CTNND2: variants seen among roughly 807,000 people sequenced by gnomAD.
The protein encoded by CTNND2 is catenin delta-2.
CTNND2 carries 22 observed loss-of-function variants against 144.4 expected under a neutral mutation model. The ratio of observed to expected loss-of-function variants is 0.15; its 90% confidence interval spans 0.11 to 0.22. The LOEUF (loss-of-function observed/expected upper bound fraction) is 0.22. Among genes scored for constraint, CTNND2 ranks in the 10% least tolerant of loss-of-function variants. The pLI is 1.00. For missense variants in CTNND2, 1,353 were observed against 1,618.8 expected (o/e 0.84, Z 2.82); for synonymous variants, 751 against 695.6 (o/e 1.08, Z -1.25).
chr5:11,702,698 T>C (rs1206114092), intron 2 of CTNND2, among the ~76,000 whole-genome samples: 1 of 152,222 alleles, frequency 6.6e-6, no homozygotes, highest in East Asian at 1.9e-4. Context: ...TATCTGCTAA[T>C]CCCTTCATAT....
At chr5:11,045,357 A>G (rs575216504) in intron 16 of CTNND2, among the ~76,000 whole-genome samples, 2 of 152,110 alleles carry the variant, frequency 1.3e-5, no homozygotes, top group Non-Finnish European at 2.9e-5. Flanking sequence ...ACGGGGAGAG[A>G]AGGATGCAAG....
At chr5:11,004,625 T>C (rs1740289615) in intron 18 of CTNND2, among the ~76,000 whole-genome samples, 1 of 152,026 alleles carries the variant, frequency 6.6e-6, no homozygotes, top group Admixed American at 6.6e-5. Context: ...TAGCTGGGCA[T>C]GGTGGCACGT....
chr5:11,384,409 A>G lies in CTNND2; in HGVS notation c.1177+256T>C. On this transcript the variant is annotated intron_variant, in intron 7 of 21. Transcript: ENST00000304623. The surrounding 1 kb of genome is among the most constrained non-coding windows in gnomAD (Gnocchi z 5.2). ...TCTTTAGGCTGGGGAGAGGGCAGAG[A>G]GAGAAGAGAGGAGAGAAGAGAGTGA... 1 of 515,702 alleles carries G rather than the reference A, an allele frequency of 1.9e-6. No individual in the cohort carries two copies. The highest frequency in any genetic ancestry group is 3.4e-6 in the Non-Finnish European group (1 of 293,356). The allele number at this position is 515,702 out of a possible 1,614,324, so 31.9% of individuals were successfully genotyped here.
chr5:11,226,186 T>C (rs1344254396), intron 10 of CTNND2, among the ~76,000 whole-genome samples: 3 of 152,178 alleles, frequency 2.0e-5, no homozygotes, highest in African/African-American at 7.2e-5. Flanking sequence ...CCACAGCCCT[T>C]GGAAGCAAGC....
At chr5:11,696,199 C>T (rs918090432) in intron 2 of CTNND2, among the ~76,000 whole-genome samples, 2 of 152,126 alleles carry the variant, frequency 1.3e-5, no homozygotes, top group African/African-American at 2.4e-5. Flanking sequence ...TGATAAACAA[C>T]GTATAAAGGC....
intron 3 of CTNND2, among the ~76,000 whole-genome samples, chr5:11,483,704 G>A (rs1317799232): frequency 1.3e-5 from 2 of 152,178 alleles, no homozygotes; most frequent in Non-Finnish European, 2.9e-5. Flanking sequence ...AGTGATGCAT[G>A]TTTTTGGCAC....
At chr5:11,276,505 C>G (rs1003249906) in intron 9 of CTNND2, among the ~76,000 whole-genome samples, 6 of 152,094 alleles carry the variant, frequency 3.9e-5, no homozygotes, top group Admixed American at 2.0e-4. Flanking sequence ...CATCCTGGTC[C>G]TCTTCTCTTC....
intron 1 of CTNND2, among the ~76,000 whole-genome samples, chr5:11,742,802 T>G (rs1674275603): frequency 6.6e-6 from 1 of 151,580 alleles, no homozygotes; most frequent in Admixed American, 6.6e-5. Context: ...AATTGAAGAA[T>G]AAGCATAAAC....
chr5:11,326,521 A>G (rs1003310331), intron 9 of CTNND2, among the ~76,000 whole-genome samples: 2 of 152,176 alleles, frequency 1.3e-5, no homozygotes, highest in African/African-American at 2.4e-5. Context: ...CTGATCTACA[A>G]TGTAAAGGGT....
chr5:11,088,508 T>C (rs35791760), intron 15 of CTNND2, among the ~76,000 whole-genome samples: 11,617 of 152,216 alleles, frequency 0.076, 582 homozygotes, highest in Non-Finnish European at 0.1. Flanking sequence ...ATCTACATAT[T>C]TTTTTTTCTC....
Position 11,131,268 on chromosome 5 carries a change from G to C in CTNND2, c.2160-13701C>G, listed in dbSNP as rs185271610. On this transcript the variant is annotated intron_variant, in intron 12 of 21. Transcript: ENST00000304623. ...CAATATTCACTTCACCAAGCAGTTG[G>C]CTTCCAGGAAAATAAATACCATGTG... Among the ~76,000 whole-genome samples the C allele has an allele frequency of 3.9e-5, 6 of 152,224 alleles. No homozygotes were observed. In the East Asian group the frequency reaches 1.2e-3, roughly 29 times the overall value.
chr5:11,117,380 G>C (rs555796806), intron 13 of CTNND2, 70 bp downstream of exon 13: 1 of 1,174,100 alleles, frequency 8.5e-7, no homozygotes, highest in African/African-American at 1.5e-5. Context: ...CTCCAGGGTT[G>C]TTAGCTATTG....
chr5:11,153,419 T>C (rs966504903), intron 12 of CTNND2, among the ~76,000 whole-genome samples: 1 of 152,180 alleles, frequency 6.6e-6, no homozygotes, highest in Non-Finnish European at 1.5e-5. Context: ...GGCAGACAAC[T>C]GAACTTAACA....
In CTNND2 at chr5:11,521,023, T is replaced by G. The variant is rs367962492; in HGVS notation, c.287+43921A>C. Among the ~76,000 whole-genome samples, 75 of 152,334 alleles carry G rather than the reference T, an allele frequency of 4.9e-4. No individual in the cohort carries two copies. In the South Asian group the frequency reaches 0.013, roughly 27 times the overall value. ...GATACGATTTTCATTGTTTTCCGATTTTCTATATTTTGTATTTTAAGTCAT... is the reference window on the plus strand; with the variant it reads ...GATACGATTTTCATTGTTTTCCGATGTTCTATATTTTGTATTTTAAGTCAT... On this transcript the variant is annotated intron_variant, in intron 3 of 21. Coordinates refer to ENST00000304623, the MANE Select transcript of CTNND2 (RefSeq NM_001332.4).
intron 16 of CTNND2, among the ~76,000 whole-genome samples, chr5:11,052,207 CA>C (rs1745906010): frequency 6.6e-6 from 1 of 152,116 alleles, no homozygotes; most frequent in Non-Finnish European, 1.5e-5. Context: ...TATTTCTTCT[CA>C]ATATCATCTG....
chr5:11,427,275 C>CT (rs765824451), intron 3 of CTNND2, among the ~76,000 whole-genome samples: 4,875 of 120,868 alleles, frequency 0.04, 383 homozygotes, highest in African/African-American at 0.12. Context: ...TTCCCATATG[C>CT]TTTTTTTTTT....
rs1213562876 is a variant in CTNND2, at chr5:11,545,060, TG to T, written c.287+19883del. ...TTGCTTGAACCCAGGAGACAGAGGTTGCAGTGAGCCAAGATCACGCCACTGC... is the reference window on the plus strand; with the variant it reads ...TTGCTTGAACCCAGGAGACAGAGGTTCAGTGAGCCAAGATCACGCCACTGC... On this transcript the variant is annotated intron_variant, in intron 3 of 21. Coordinates refer to ENST00000304623, the MANE Select transcript of CTNND2 (RefSeq NM_001332.4). 5.6e-5 allele frequency among the ~76,000 whole-genome samples: 8 copies of T among 143,146 alleles called. No individual in the cohort carries two copies. The South Asian group carries it at 1.7e-3, about 31-fold the overall frequency. The allele number at this position is 143,146 out of a possible 152,430, so 93.9% of individuals were successfully genotyped here. A position where few individuals can be genotyped will look rare whatever the true frequency, so the allele number is the denominator to read the frequency against.
At chr5:11,869,411 T>C (rs560328127) in intron 1 of CTNND2, among the ~76,000 whole-genome samples, 94 of 152,346 alleles carry the variant, frequency 6.2e-4, no homozygotes, top group African/African-American at 2.2e-3. Flanking sequence ...TGCCAACTTC[T>C]GACACATGCC....
intron 11 of CTNND2, among the ~76,000 whole-genome samples, chr5:11,177,001 A>G (rs1369699850): frequency 6.6e-6 from 1 of 152,226 alleles, no homozygotes; most frequent in Non-Finnish European, 1.5e-5. Flanking sequence ...AGTTTCTTAC[A>G]TAAACTCTTA....
Sources: allele counts gnomAD v4.1 joint callset (sites outside exome capture counted in the v4.1 genomes callset), GRCh38; gene constraint gnomAD v4.1.1; non-coding constraint Gnocchi (gnomAD v3.1); transcripts MANE v1.5; gene names NCBI Gene and HGNC (gene_info 2026-07-23, HGNC 2026-07-21).